The following PDE1A variants were observed in gnomAD, a reference collection of about 807,000 sequenced individuals.
The protein encoded by PDE1A is phosphodiesterase 1A.
PDE1A carries 35 observed loss-of-function variants against 61.7 expected under a neutral mutation model. The observed-to-expected ratio is 0.57, with a 90% CI of 0.43 to 0.75. The LOEUF (loss-of-function observed/expected upper bound fraction) is 0.75, where lower values mean the gene tolerates loss of function less well. Among genes scored for constraint, PDE1A ranks in the 30% least tolerant of loss-of-function variants. The pLI, the probability that PDE1A is intolerant of heterozygous loss-of-function variation, is 0.00. For missense variants in PDE1A, 597 were observed against 630.6 expected, an observed-to-expected ratio of 0.95 and a Z score of 0.57; for synonymous variants, 232 against 213.2, an observed-to-expected ratio of 1.09 and a Z score of -0.77.
chr2:182,231,527 G>A (rs953138350), intron 4 of PDE1A, among the ~76,000 whole-genome samples: 16 of 151,990 alleles, frequency 1.1e-4, no homozygotes, highest in East Asian at 1.9e-4. Flanking sequence ...AAATAGTCCC[G>A]GTTTTTCTTT....
At chr2:182,526,536 G>GA (rs1302381025), upstream of PDE1A, among the ~76,000 whole-genome samples, 2 of 152,126 alleles carry the variant, frequency 1.3e-5, no homozygotes, top group East Asian at 1.9e-4. Context: ...AGAGATACCT[G>GA]AAAAAATGTT....
the PDE1A span, among the ~76,000 whole-genome samples, chr2:182,665,642 G>A: frequency 6.6e-6 from 1 of 152,210 alleles, no homozygotes. Flanking sequence ...TTCAACTATT[G>A]TGTAAGACAG....
chr2:182,208,469 A>C (rs1233185873), intron 7 of PDE1A, among the ~76,000 whole-genome samples: 2 of 152,180 alleles, frequency 1.3e-5, no homozygotes, highest in Non-Finnish European at 2.9e-5. Flanking sequence ...TTACCTCCCA[A>C]CAGGTCCCTC....
In PDE1A at chr2:182,387,227, G is replaced by A. The variant is rs188016605; in HGVS notation, c.53+39351C>T. 7.9e-3 allele frequency among the ~76,000 whole-genome samples: 1,207 copies of A among 152,226 alleles called. 8 individuals carry two copies. Among genetic ancestry groups the A allele is most frequent in the South Asian group, 0.019 (92 of 4,824 alleles). On this transcript the variant is annotated intron_variant, in intron 1 of 13. Coordinates refer to ENST00000351439, the Ensembl canonical transcript of PDE1A. ...GCAGATGCTTGAAGGCAGCATACTC[G>A]TTAAGAGTCATCACCACTCCCTAAT...
chr2:182,462,804 C>CT (rs916624939), intron 2 of PDE1A, among the ~76,000 whole-genome samples: 1 of 151,882 alleles, frequency 6.6e-6, no homozygotes, highest in African/African-American at 2.4e-5. Flanking sequence ...AACCTTGAAA[C>CT]TTTTTTTTAT....
intron 1 of PDE1A, among the ~76,000 whole-genome samples, chr2:182,315,098 TAATA>T (rs1696250316): frequency 6.6e-6 from 1 of 152,206 alleles, no homozygotes; most frequent in Non-Finnish European, 1.5e-5. Flanking sequence ...TCCTGATTAA[TAATA>T]CTCCTTGATT....
chr2:182,444,162 A>T (rs1280269218), intron 2 of PDE1A, among the ~76,000 whole-genome samples: 2 of 152,104 alleles, frequency 1.3e-5, no homozygotes, highest in Non-Finnish European at 2.9e-5. Context: ...CTTTCAGTTC[A>T]CCTAAATCAT....
the PDE1A span, among the ~76,000 whole-genome samples, chr2:182,635,828 T>C: frequency 6.6e-6 from 1 of 151,982 alleles, no homozygotes; most frequent in Admixed American, 6.6e-5. Flanking sequence ...ATTTAAGGTA[T>C]AAGGAGGTAA....
the PDE1A span, among the ~76,000 whole-genome samples, chr2:182,548,988 G>C: frequency 6.6e-6 from 1 of 152,184 alleles, no homozygotes; most frequent in African/African-American, 2.4e-5. Flanking sequence ...ATAAAGCTTA[G>C]AGTATGCAGT....
intron 2 of PDE1A, among the ~76,000 whole-genome samples, chr2:182,487,859 T>A (rs1013370636): frequency 1.3e-5 from 2 of 152,172 alleles, no homozygotes; most frequent in Non-Finnish European, 2.9e-5. Flanking sequence ...GCTGACTTCC[T>A]AAGAAAGTTT....
chr2:182,278,402 A>G (rs1032342304), intron 1 of PDE1A, among the ~76,000 whole-genome samples: 6 of 152,040 alleles, frequency 3.9e-5, no homozygotes, highest in African/African-American at 9.7e-5. Context: ...ATTTAACCAT[A>G]AACACTAAAA....
intron 13 of PDE1A, among the ~76,000 whole-genome samples, chr2:182,148,266 G>A (rs1363208215): frequency 3.9e-5 from 6 of 152,132 alleles, no homozygotes; most frequent in Non-Finnish European, 7.4e-5. Context: ...CAGAAATGTT[G>A]CCTGTGTGTG....
the PDE1A span, among the ~76,000 whole-genome samples, chr2:182,545,872 T>C: frequency 1.3e-5 from 2 of 152,176 alleles, no homozygotes; most frequent in Non-Finnish European, 2.9e-5. Context: ...TGCCAGTTGT[T>C]AGTATAATTA....
chr2:182,639,869 T>C, the PDE1A span, among the ~76,000 whole-genome samples: 1 of 148,942 alleles, frequency 6.7e-6, no homozygotes, highest in Non-Finnish European at 1.5e-5. Context: ...TATATAAATA[T>C]ATATTTATTA....
intron 2 of PDE1A, among the ~76,000 whole-genome samples, chr2:182,510,520 T>C (rs1689714939): frequency 6.6e-6 from 1 of 152,144 alleles, no homozygotes; most frequent in South Asian, 2.1e-4. Context: ...GATAACGTAA[T>C]GGAAATACAG....
chr2:182,521,380 TC>T (rs1205880081), intron 2 of PDE1A, among the ~76,000 whole-genome samples: 1 of 152,078 alleles, frequency 6.6e-6, no homozygotes, highest in African/African-American at 2.4e-5. Context: ...ATTAATATTT[TC>T]ATTTGAGATC....
At chr2:182,606,569 C>T in the PDE1A span, among the ~76,000 whole-genome samples, 2 of 152,060 alleles carry the variant, frequency 1.3e-5, no homozygotes, top group African/African-American at 4.8e-5. Flanking sequence ...GAGGATACAG[C>T]AGTGAACAAA....
the PDE1A span, among the ~76,000 whole-genome samples, chr2:182,643,060 C>T: frequency 6.6e-6 from 1 of 152,116 alleles, no homozygotes; most frequent in Admixed American, 6.5e-5. Context: ...AAGAATATTC[C>T]CTGTCTAGTG....
At chr2:182,505,077 G>T (rs1395421755) in intron 2 of PDE1A, among the ~76,000 whole-genome samples, 2 of 152,146 alleles carry the variant, frequency 1.3e-5, no homozygotes, top group Non-Finnish European at 2.9e-5. Flanking sequence ...GGAAACTTCA[G>T]CAGGCAATTT....
Sources: gnomAD v4.1 joint callset for allele counts (sites outside exome capture counted in the v4.1 genomes callset) on GRCh38, gnomAD v4.1.1 for gene constraint, MANE v1.5 for transcripts, NCBI Gene and HGNC (gene_info 2026-07-23, HGNC 2026-07-21) for gene names.